Variants in ABLIM1 observed in about 807,000 individuals in gnomAD.
ABLIM1 encodes actin-binding LIM protein 1.
ABLIM1 carries 40 observed loss-of-function variants against 107.0 expected under a neutral mutation model. The ratio of observed to expected loss-of-function variants is 0.37; its 90% CI spans 0.29 to 0.49. ABLIM1 has a LOEUF of 0.49. ABLIM1 is among the 20% of genes least tolerant of loss of function. ABLIM1 has a pLI of 0.97. For missense variants in ABLIM1, 857 were observed against 1,008.5 expected, an observed-to-expected ratio of 0.85 and a Z score of 2.04; for synonymous variants, 357 against 357.3, an observed-to-expected ratio of 1.00 and a Z score of 0.01.
intron 1 of ABLIM1, among the ~76,000 whole-genome samples, chr10:114,639,581 G>A (rs893664888): frequency 1.2e-4 from 19 of 152,182 alleles, no homozygotes; most frequent in Admixed American, 1.2e-3. Flanking sequence ...GCTGTGAATG[G>A]TATGAGACGT....
chr10:114,488,284 ATATT>A (rs1253423175), intron 7 of ABLIM1, among the ~76,000 whole-genome samples: 1 of 151,960 alleles, frequency 6.6e-6, no homozygotes, highest in Non-Finnish European at 1.5e-5. Flanking sequence ...GATGCAAGAG[ATATT>A]TAGTTCTTAA....
At chr10:114,504,091 C>CA (rs921825766) in intron 6 of ABLIM1, among the ~76,000 whole-genome samples, 1 of 152,226 alleles carries the variant, frequency 6.6e-6, no homozygotes, top group Non-Finnish European at 1.5e-5. Flanking sequence ...ACTGAAAACA[C>CA]AAAAAAATTG....
the ABLIM1 span, among the ~76,000 whole-genome samples, chr10:114,783,939 C>T: frequency 2.0e-5 from 3 of 151,908 alleles, no homozygotes; most frequent in Non-Finnish European, 2.9e-5. Flanking sequence ...CTTGGCAACA[C>T]GGAAGCTGTT....
chr10:114,589,894 G>C (rs2074667509), intron 2 of ABLIM1, among the ~76,000 whole-genome samples: 1 of 152,136 alleles, frequency 6.6e-6, no homozygotes, highest in Non-Finnish European at 1.5e-5. Flanking sequence ...GTCTACAGTA[G>C]TGTACAGTAA....
chr10:114,624,323 T>C (rs1443519708), intron 1 of ABLIM1, among the ~76,000 whole-genome samples: 1 of 152,172 alleles, frequency 6.6e-6, no homozygotes, highest in Non-Finnish European at 1.5e-5. Flanking sequence ...GTGAATGCGA[T>C]GGCAAAGAGG....
At position 114,613,657 on chromosome 10, in the gene ABLIM1, C is replaced by T. The variant is rs1254368250; in HGVS notation, c.245-11696G>A. 2.3e-6 allele frequency: 3 copies of T among 1,323,498 alleles called. No homozygotes were observed. In the African/African-American group the frequency reaches 4.5e-5, roughly 20 times the overall value. The allele number at this position is 1,323,498 out of a possible 1,614,324, so 82.0% of individuals were successfully genotyped here. ...AATAAAGACACAAACCTGCCCTCAC[C>T]TGGGTCTCTCCAGTGTCTGCACACC... On this transcript the variant is annotated intron_variant, in intron 1 of 22. Coordinates refer to ENST00000533213, the MANE Select transcript of ABLIM1 (RefSeq NM_002313.7).
rs114570837 is a variant in ABLIM1, at chr10:114,563,439, G to A, written c.673+7858C>T. Among the ~76,000 whole-genome samples the A allele has an allele frequency of 6.4e-3, 973 of 152,268 alleles. 14 individuals are homozygous for A. Among genetic ancestry groups the A allele is most frequent in the African/African-American group, 0.022 (931 of 41,540 alleles). ...AGTTTTCATTTTCTTGGTAGTGGACGTGGGCACGCATGTAAACAATTAAAA... is the reference window on the plus strand; with the variant it reads ...AGTTTTCATTTTCTTGGTAGTGGACATGGGCACGCATGTAAACAATTAAAA... On this transcript the variant is annotated intron_variant, in intron 4 of 22. Transcript: ENST00000533213.
intron 1 of ABLIM1, among the ~76,000 whole-genome samples, chr10:114,749,693 C>T (rs1334836438): frequency 3.3e-5 from 5 of 152,110 alleles, no homozygotes; most frequent in Non-Finnish European, 7.4e-5. Flanking sequence ...CACATGACTG[C>T]TCCCCCACGC....
At chr10:114,550,387 A>T (rs75104702) in intron 4 of ABLIM1, among the ~76,000 whole-genome samples, 101 of 8,862 alleles carry the variant, frequency 0.011, no homozygotes, top group African/African-American at 0.038. Flanking sequence ...AGTTTTTTTT[A>T]AAAAAAAGAC....
chr10:114,601,977 CA>C lies in ABLIM1; in HGVS notation c.245-17del. The C allele has an allele frequency of 6.2e-7, 1 of 1,613,638 alleles. No homozygotes were observed. The highest frequency in any genetic ancestry group is 8.5e-7 in the Non-Finnish European group (1 of 1,179,596). On this transcript the variant is annotated splice_polypyrimidine_tract_variant and intron_variant, in intron 1 of 22. Transcript: ENST00000533213. The stretch of plus-strand genomic sequence containing the variant: ...GGGTGGGCCACTGAAAGAAAATCAA[CA>C]AAAGATCCAGGTGAGTAGAGAGCAT...
intron 18 of ABLIM1, among the ~76,000 whole-genome samples, chr10:114,441,357 T>C (rs1303939627): frequency 6.6e-6 from 1 of 152,214 alleles, no homozygotes; most frequent in Non-Finnish European, 1.5e-5. Flanking sequence ...ATTTGTTCCA[T>C]CTTTTGTGAG....
At chr10:114,640,776 A>G (rs2078707671) in intron 1 of ABLIM1, among the ~76,000 whole-genome samples, 1 of 152,192 alleles carries the variant, frequency 6.6e-6, no homozygotes, top group Non-Finnish European at 1.5e-5. Flanking sequence ...ATTTTACTTT[A>G]TTTAGGATGA....
chr10:114,595,449 T>C lies in ABLIM1; in HGVS notation c.379+6378A>G, dbSNP rs75440971. On this transcript the variant is annotated intron_variant, in intron 2 of 22. Coordinates refer to ENST00000533213, the MANE Select transcript of ABLIM1 (RefSeq NM_002313.7). The stretch of plus-strand genomic sequence containing the variant: ...AATACAGCGTAAAATACAACCATGA[T>C]ACAGACAAAGTAAAACATTAAAAAC... 1.3e-3 allele frequency among the ~76,000 whole-genome samples: 199 copies of C among 152,276 alleles called. 2 individuals carry two copies. Among genetic ancestry groups the C allele is most frequent in the Non-Finnish European group, 2.2e-3 (152 of 68,026 alleles).
intron 8 of ABLIM1, among the ~76,000 whole-genome samples, chr10:114,475,839 A>G (rs56095276): frequency 5.3e-5 from 8 of 152,314 alleles, no homozygotes; most frequent in African/African-American, 1.9e-4. Flanking sequence ...AGAAAACTCA[A>G]GGCCTCATTT....
At chr10:114,537,380 C>A (rs1443757353) in intron 6 of ABLIM1, among the ~76,000 whole-genome samples, 1 of 152,146 alleles carries the variant, frequency 6.6e-6, no homozygotes, top group African/African-American at 2.4e-5. Flanking sequence ...TATTTATCAT[C>A]TCTGTCTCCC....
chr10:114,483,515 G>A (rs1425471686), intron 8 of ABLIM1, among the ~76,000 whole-genome samples: 1 of 152,082 alleles, frequency 6.6e-6, no homozygotes, highest in Non-Finnish European at 1.5e-5. Context: ...GGGCTCTAGT[G>A]ATCTGCCCAC....
In ABLIM1 at chr10:114,511,947, A is replaced by C. The variant is rs1371277292; in HGVS notation, c.895-20069T>G. ...ACACGGTGGCATCACTTTCTCATCA[A>C]CAAACAATCTCAGGTGGACAGATGC... On this transcript the variant is annotated intron_variant, in intron 6 of 22. Transcript: ENST00000533213. Among the ~76,000 whole-genome samples, 4 of 152,222 alleles carry C rather than the reference A, an allele frequency of 2.6e-5. No homozygotes were observed. In the East Asian group the frequency reaches 7.7e-4, roughly 29 times the overall value.
chr10:114,560,897 C>T (rs1591213441), intron 4 of ABLIM1, among the ~76,000 whole-genome samples: 1 of 152,072 alleles, frequency 6.6e-6, no homozygotes, highest in Non-Finnish European at 1.5e-5. Flanking sequence ...AGGGGAGTAA[C>T]TGCCTAATGG....
chr10:114,555,211 A>C (rs907373877), intron 4 of ABLIM1, among the ~76,000 whole-genome samples: 2 of 152,172 alleles, frequency 1.3e-5, no homozygotes. Context: ...TGAAGTTTGC[A>C]TGTCTGTTAT....
Sources: allele counts gnomAD v4.1 joint callset (sites outside exome capture counted in the v4.1 genomes callset), GRCh38; gene constraint gnomAD v4.1.1; transcripts MANE v1.5; gene names NCBI Gene and HGNC (gene_info 2026-07-23, HGNC 2026-07-21).